Variants in SACM1L observed in about 807,000 individuals in gnomAD.
SACM1L encodes the protein SAC1 like phosphatidylinositide phosphatase, also known as phosphatidylinositol-3-phosphatase SAC1.
In SACM1L, 32 loss-of-function variants were observed where a neutral mutation model predicts 89.5. That is an observed-to-expected ratio of 0.36 (90% CI 0.27 to 0.48). SACM1L has a LOEUF of 0.48. SACM1L is among the 20% of genes least tolerant of loss of function. The pLI is 0.99. For missense variants in SACM1L, 543 were observed against 708.5 expected (o/e 0.77, Z 2.65); for synonymous variants, 213 against 232.8 (o/e 0.92, Z 0.77).
chr3:45,737,460 C>T (rs1699226369), intron 14 of SACM1L, 123 bp from the exon 15 acceptor site: 1 of 959,712 alleles, frequency 1.0e-6, no homozygotes, highest in Admixed American at 2.3e-5. Flanking sequence ...AGACAACAGA[C>T]ATTTCTGGCC....
chr3:45,721,516 C>G (rs1382216496), intron 8 of SACM1L, among the ~76,000 whole-genome samples: 1 of 152,118 alleles, frequency 6.6e-6, no homozygotes, highest in African/African-American at 2.4e-5. Context: ...GAGCGAAACT[C>G]CGTCTCAAAA....
chr3:45,714,488 C>T (rs1385457008), intron 7 of SACM1L, among the ~76,000 whole-genome samples: 6 of 152,072 alleles, frequency 3.9e-5, no homozygotes, highest in Admixed American at 2.0e-4. Flanking sequence ...CCCAGTTACT[C>T]AGGAGGCTGA....
chr3:45,737,960 C>T, intron 16 of SACM1L, 116 bp downstream of exon 16: 1 of 791,816 alleles, frequency 1.3e-6, no homozygotes, highest in Middle Eastern at 3.2e-4. Flanking sequence ...ACTCCAGCAT[C>T]TGGGCCTCAC....
At chr3:45,721,391 G>T (rs13086609) in intron 8 of SACM1L, among the ~76,000 whole-genome samples, 95,697 of 152,034 alleles carry the variant, frequency 0.63, 30,550 homozygotes, top group Non-Finnish European at 0.66. Context: ...GCGTGGTGGC[G>T]CATGCCTGTA....
intron 1 of SACM1L, among the ~76,000 whole-genome samples, chr3:45,703,142 A>G (rs375423803): frequency 2.6e-5 from 4 of 152,318 alleles, no homozygotes; most frequent in East Asian, 3.9e-4. Flanking sequence ...CTCTGGTCCT[A>G]CTATGCTACA....
rs12637521 is a variant in SACM1L at position 45,736,837 on chromosome 3, C to G, written c.1240-746C>G. Among the ~76,000 whole-genome samples, 401 of 152,284 alleles carry G rather than the reference C, an allele frequency of 2.6e-3. 12 individuals carry two copies. The East Asian group carries it at 0.047, about 18-fold the overall frequency. On this transcript the variant is annotated intron_variant, in intron 14 of 19. Transcript: ENST00000389061. ...TAGTGTAGGGGCTGTCTACTTGTGC[C>G]TCTCCAAGTCTGCCAGTGAAGGCAG...
rs770940018 is a variant in SACM1L at position 45,719,491 on chromosome 3, G to A, written c.578-9G>A. 10 of 1,467,254 alleles carry A rather than the reference G, an allele frequency of 6.8e-6. No homozygotes were observed. Among genetic ancestry groups the A allele is most frequent in the South Asian group, 1.2e-5 (1 of 84,078 alleles). The allele number at this position is 1,467,254 out of a possible 1,614,324, so 90.9% of individuals were successfully genotyped here. The stretch of plus-strand genomic sequence containing the variant: ...TATTATATGTTATATTTTTCTTAAT[G>A]TGGTTAAGTTATTACCATGCATTCA... On this transcript the variant is annotated splice_polypyrimidine_tract_variant and intron_variant, in intron 7 of 19. Coordinates refer to ENST00000389061, the MANE Select transcript of SACM1L (RefSeq NM_014016.5).
chr3:45,709,702 C>G, intron 5 of SACM1L, 55 bp downstream of exon 5: 1 of 1,445,256 alleles, frequency 6.9e-7, no homozygotes, highest in South Asian at 1.3e-5. Context: ...GGACATGTCT[C>G]TGTTTCATGC....
At chr3:45,724,335 T>TGTGTGTG (rs1698865247) in intron 11 of SACM1L, among the ~76,000 whole-genome samples, 2 of 66,818 alleles carry the variant, frequency 3.0e-5, no homozygotes, top group African/African-American at 4.6e-5. Context: ...GTGTGTGTGT[T>TGTGTGTG]TAATGATAGC....
intron 11 of SACM1L, among the ~76,000 whole-genome samples, chr3:45,725,485 G>A (rs957541394): frequency 4.0e-5 from 6 of 151,858 alleles, no homozygotes; most frequent in Admixed American, 1.3e-4. Flanking sequence ...AATTGTTTTT[G>A]TACTTTCCTT....
At chr3:45,696,506 T>G (rs1326962207) in intron 1 of SACM1L, among the ~76,000 whole-genome samples, 1 of 152,338 alleles carries the variant, frequency 6.6e-6, no homozygotes, top group Non-Finnish European at 1.5e-5. Context: ...TTGGGTCATA[T>G]GGGAATTCTA....
At chr3:45,727,576 T>C (rs1698951277) in intron 11 of SACM1L, among the ~76,000 whole-genome samples, 1 of 152,178 alleles carries the variant, frequency 6.6e-6, no homozygotes, top group South Asian at 2.1e-4. Flanking sequence ...TGTTCTGTTG[T>C]TGAAAGTAGG....
In SACM1L at chr3:45,736,988, G is replaced by A. The variant is rs140807541; in HGVS notation, c.1240-595G>A. Among the ~76,000 whole-genome samples the A allele has an allele frequency of 2.1e-4, 32 of 152,322 alleles. 1 individual carries two copies. In the East Asian group the frequency reaches 6.2e-3, roughly 29 times the overall value. On this transcript the variant is annotated intron_variant, in intron 14 of 19. Transcript: ENST00000389061. ...GCAATGAAGATGGTGGTTCTCAGAA[G>A]TGATGGTCTGAGACAAGGCAGGGAC... is the stretch of plus-strand genomic sequence containing the variant.
chr3:45,709,868 A>T (rs987712120), intron 5 of SACM1L, among the ~76,000 whole-genome samples: 2 of 152,220 alleles, frequency 1.3e-5, no homozygotes, highest in Non-Finnish European at 2.9e-5. Flanking sequence ...TCACTGGTGT[A>T]GATATTCAGA....
intron 1 of SACM1L, among the ~76,000 whole-genome samples, chr3:45,702,588 C>T (rs979280970): frequency 6.6e-6 from 1 of 152,192 alleles, no homozygotes; most frequent in Non-Finnish European, 1.5e-5. Context: ...AGTTCTACTT[C>T]AGTCTGCATC....
At chr3:45,717,891 GGTTA>G (rs368636989) in intron 7 of SACM1L, among the ~76,000 whole-genome samples, 26 of 152,284 alleles carry the variant, frequency 1.7e-4, no homozygotes, top group Middle Eastern at 6.8e-3. Context: ...ACTCCAGCCT[GGTTA>G]GCAAAGCAAG....
At chr3:45,730,942 A>T (rs1559549725) in intron 11 of SACM1L, among the ~76,000 whole-genome samples, 1 of 152,210 alleles carries the variant, frequency 6.6e-6, no homozygotes, top group Non-Finnish European at 1.5e-5. Flanking sequence ...ATATGCAAAT[A>T]AGGTCTGGTC....
chr3:45,729,444 C>G (rs979609066), intron 11 of SACM1L, among the ~76,000 whole-genome samples: 1 of 152,178 alleles, frequency 6.6e-6, no homozygotes, highest in Non-Finnish European at 1.5e-5. Context: ...CCTTTCATTT[C>G]AACCTGAAGG....
chr3:45,732,585 C>T (rs562810818), intron 13 of SACM1L, among the ~76,000 whole-genome samples: 1 of 152,260 alleles, frequency 6.6e-6, no homozygotes, highest in East Asian at 1.9e-4. Context: ...TCACCCTGAG[C>T]ACCTGGTTTA....
Sources: gnomAD v4.1 joint callset for allele counts (sites outside exome capture counted in the v4.1 genomes callset) on GRCh38, gnomAD v4.1.1 for gene constraint, MANE v1.5 for transcripts, NCBI Gene and HGNC (gene_info 2026-07-23, HGNC 2026-07-21) for gene names.